CSMD3: variants seen among roughly 807,000 people sequenced by gnomAD.
CSMD3 encodes the protein CUB and Sushi multiple domains 3.
A neutral mutation model predicts 435.2 loss-of-function variants in CSMD3; 177 were observed. That is an observed-to-expected ratio of 0.41 (90% confidence interval 0.36 to 0.46). The LOEUF (loss-of-function observed/expected upper bound fraction) is 0.46, where lower values mean the gene tolerates loss of function less well. CSMD3 is among the 20% of genes least tolerant of loss of function. The probability of loss-of-function intolerance (pLI) is 0.34; values close to 1 mark genes in which losing one functional copy is unlikely to be tolerated. For missense variants in CSMD3, 4,265 were observed against 4,504.6 expected (o/e 0.95, Z 1.52); for synonymous variants, 1,656 against 1,520.5 (o/e 1.09, Z -2.07).
intron 27 of CSMD3, among the ~76,000 whole-genome samples, chr8:112,548,796 C>T (rs980006302): frequency 6.6e-6 from 1 of 152,040 alleles, no homozygotes; most frequent in South Asian, 2.1e-4. Context: ...AATGTAGTAA[C>T]CATCAATGTA....
rs1291906987 is a variant in CSMD3, at chr8:112,361,566, C to CACAT, written c.6137-9036_6137-9033dup. Among the ~76,000 whole-genome samples the CACAT allele has an allele frequency of 5.4e-3, 296 of 54,332 alleles. 19 individuals are homozygous for CACAT. Among genetic ancestry groups the CACAT allele is most frequent in the African/African-American group, 0.016 (220 of 13,350 alleles). The allele number at this position is 54,332 out of a possible 152,430, so 35.6% of individuals were successfully genotyped here. A position where few individuals can be genotyped will look rare whatever the true frequency, so the allele number is the denominator to read the frequency against. On this transcript the variant is annotated intron_variant, in intron 38 of 70. Transcript: ENST00000297405. Reference sequence around the variant, plus strand: ...ATAAAAGTGTGTATGTATATATATACACATACATATATATATATATATATA... The same window carrying CACAT: ...ATAAAAGTGTGTATGTATATATATACACATACATACATATATATATATATATATA...
chr8:112,357,529 A>C (rs1826738599), intron 38 of CSMD3, among the ~76,000 whole-genome samples: 1 of 152,184 alleles, frequency 6.6e-6, no homozygotes, highest in Non-Finnish European at 1.5e-5. Flanking sequence ...GACAATGGGG[A>C]AAATGTTTCC....
intron 22 of CSMD3, 28 bp from the exon 23 acceptor site, chr8:112,587,263 C>A (rs963204175): frequency 3.9e-6 from 6 of 1,526,838 alleles, no homozygotes; most frequent in South Asian, 2.2e-5. Flanking sequence ...TATTGAAGTA[C>A]AGTTTAATAG....
chr8:112,346,947 C>T (rs767849282), intron 40 of CSMD3, among the ~76,000 whole-genome samples: 11 of 152,020 alleles, frequency 7.2e-5, no homozygotes, highest in Non-Finnish European at 1.5e-4. Context: ...CTATCCTTTT[C>T]CTCTTTTTGT....
intron 13 of CSMD3, among the ~76,000 whole-genome samples, chr8:112,699,982 G>C (rs1311019097): frequency 6.6e-6 from 1 of 152,122 alleles, no homozygotes. Context: ...GTGCGTGTGT[G>C]TAGTTAGTGA....
chr8:112,703,699 C>A (rs553341965), intron 13 of CSMD3, among the ~76,000 whole-genome samples: 1 of 151,942 alleles, frequency 6.6e-6, no homozygotes, highest in Non-Finnish European at 1.5e-5. Flanking sequence ...TGTTAAGAAG[C>A]CTTTTGGGAA....
In CSMD3 at chr8:112,573,544, G is replaced by A. The variant is rs148941521; in HGVS notation, c.3999C>T (p.Ser1333=). Residue 1333 remains serine, a synonymous_variant, in exon 24 of 71, where the codon TCC becomes TCT. Transcript: ENST00000297405. ...TSNQLWLEFN[S]DTEGTDEGFQ... Reference sequence around the variant, plus strand: ...AGCCTTCATCTGTCCCTTCAGTATCGGAATTAAATTCTAGCCAGAGTTGAT... The same window carrying A: ...AGCCTTCATCTGTCCCTTCAGTATCAGAATTAAATTCTAGCCAGAGTTGAT... 2.1e-4 allele frequency: 338 copies of A among 1,613,296 alleles called. 4 individuals carry two copies. In the African/African-American group the frequency reaches 4.0e-3, roughly 19 times the overall value.
intron 3 of CSMD3, among the ~76,000 whole-genome samples, chr8:113,267,993 C>A (rs1435076134): frequency 6.6e-6 from 1 of 151,454 alleles, no homozygotes; most frequent in African/African-American, 2.4e-5. Context: ...ATTACATATA[C>A]ATATACATTC....
intron 3 of CSMD3, among the ~76,000 whole-genome samples, chr8:113,263,565 A>G (rs1017166517): frequency 1.3e-5 from 2 of 151,854 alleles, no homozygotes; most frequent in Non-Finnish European, 2.9e-5. Context: ...CAAGAACTAA[A>G]ATTATACTCC....
intron 1 of CSMD3, among the ~76,000 whole-genome samples, chr8:113,359,687 C>T (rs373823235): frequency 6.6e-6 from 1 of 152,124 alleles, no homozygotes; most frequent in Non-Finnish European, 1.5e-5. Flanking sequence ...TCTCATAATG[C>T]GTATTGGTTG....
intron 13 of CSMD3, among the ~76,000 whole-genome samples, chr8:112,747,238 T>TTTTTTTTTTTTTTTTTTTTTTTTG (rs1398030175): frequency 6.9e-6 from 1 of 145,456 alleles, no homozygotes; most frequent in Admixed American, 7.0e-5. Context: ...CTTCATTGTT[T>TTTTTTTTTTTTTTTTTTTTTTTTG]TTTCCTGTAA....
At chr8:112,827,643 A>C (rs1306359545) in intron 12 of CSMD3, among the ~76,000 whole-genome samples, 2 of 152,196 alleles carry the variant, frequency 1.3e-5, no homozygotes, top group Non-Finnish European at 2.9e-5. Flanking sequence ...ATATCCAAGA[A>C]ACTTCAGTGT....
intron 27 of CSMD3, among the ~76,000 whole-genome samples, chr8:112,535,673 T>G (rs1035879433): frequency 2.6e-5 from 4 of 151,962 alleles, no homozygotes; most frequent in African/African-American, 9.7e-5. Flanking sequence ...AAAAACTACT[T>G]TAAAGTTCAT....
intron 31 of CSMD3, among the ~76,000 whole-genome samples, chr8:112,489,047 TA>T (rs1165220658): frequency 1.3e-5 from 2 of 152,122 alleles, no homozygotes; most frequent in African/African-American, 4.8e-5. Flanking sequence ...CTTAAAAAAA[TA>T]AAAAATAATT....
At chr8:112,722,885 A>G (rs1389703282) in intron 13 of CSMD3, among the ~76,000 whole-genome samples, 1 of 152,194 alleles carries the variant, frequency 6.6e-6, no homozygotes, top group Non-Finnish European at 1.5e-5. Flanking sequence ...ACTGAAGATC[A>G]AAAATCACAA....
chr8:112,921,004 C>G (rs1024562634), intron 10 of CSMD3, among the ~76,000 whole-genome samples: 4 of 128,420 alleles, frequency 3.1e-5, no homozygotes, highest in Admixed American at 7.5e-5. Context: ...CGCGCACACA[C>G]ACACACACAC....
intron 13 of CSMD3, among the ~76,000 whole-genome samples, chr8:112,776,665 G>C (rs574152713): frequency 3.0e-4 from 45 of 151,808 alleles, no homozygotes; most frequent in African/African-American, 1.1e-3. Context: ...GTGTGAGCTT[G>C]ACCAAAAATC....
At chr8:112,927,633 G>A (rs887893361) in intron 9 of CSMD3, among the ~76,000 whole-genome samples, 5 of 152,180 alleles carry the variant, frequency 3.3e-5, no homozygotes, top group Middle Eastern at 3.4e-3. Context: ...CTGACTCTAA[G>A]TTACATTGAT....
At chr8:113,177,166 G>C (rs1393346662) in intron 3 of CSMD3, among the ~76,000 whole-genome samples, 2 of 151,636 alleles carry the variant, frequency 1.3e-5, no homozygotes, top group Non-Finnish European at 2.9e-5. Flanking sequence ...CATTATACTT[G>C]TTATCTCAAT....
Sources: gnomAD v4.1 joint callset for allele counts (sites outside exome capture counted in the v4.1 genomes callset) on GRCh38, gnomAD v4.1.1 for gene constraint, MANE v1.5 for transcripts, NCBI Gene and HGNC (gene_info 2026-07-23, HGNC 2026-07-21) for gene names.